GAK: variants seen among roughly 807,000 people sequenced by gnomAD.
GAK encodes the protein cyclin G associated kinase, also known as cyclin-G-associated kinase.
Under a neutral mutation model 143.9 loss-of-function variants are expected in GAK, and 79 were observed. The observed-to-expected ratio is 0.55, with a 90% confidence interval of 0.46 to 0.66. The LOEUF is 0.66. GAK is among the 30% of genes least tolerant of loss of function. GAK has a pLI of 0.00. For missense variants in GAK, 1,693 were observed against 1,779.7 expected, an observed-to-expected ratio of 0.95 and a Z score of 0.88; for synonymous variants, 881 against 765.5, an observed-to-expected ratio of 1.15 and a Z score of -2.49.
chr4:896,383 G>A lies in GAK; in HGVS notation c.741+77C>T, dbSNP rs1471155917. On this transcript the variant is annotated intron_variant, in intron 7 of 27. Transcript: ENST00000314167. ...GAGGCAGGCCAGTTCCGAGTGGCAG[G>A]TGCCCGGCCCACGCCGCCTCAGGTT... is the stretch of plus-strand genomic sequence containing the variant. 8 of 1,088,052 alleles carry A rather than the reference G, an allele frequency of 7.4e-6. No individual in the cohort carries two copies. The Admixed American group carries it at 1.6e-4, about 22-fold the overall frequency. The allele number at this position is 1,088,052 out of a possible 1,614,324, so 67.4% of individuals were successfully genotyped here.
Position 911,291 on chromosome 4 carries a change from G to A in GAK, c.382+382C>T, listed in dbSNP as rs533049112. Among the ~76,000 whole-genome samples, 7 of 151,874 alleles carry A rather than the reference G, an allele frequency of 4.6e-5. No homozygotes were observed. The South Asian group carries it at 1.2e-3, about 27-fold the overall frequency. The stretch of plus-strand genomic sequence containing the variant: ...AACACCGCTCATGGAAGGCCACCAC[G>A]CTCCACCCCACAGGGACCCCAGAGC... On this transcript the variant is annotated intron_variant, in intron 4 of 27. Transcript: ENST00000314167.
chr4:893,316 G>A, intron 9 of GAK, 61 bp downstream of exon 9: 2 of 1,232,154 alleles, frequency 1.6e-6, no homozygotes, highest in African/African-American at 1.6e-5. Context: ...GGGGATCTGG[G>A]GCTCATGTGT....
chr4:871,399 C>T (rs74907285), intron 18 of GAK, among the ~76,000 whole-genome samples: 6,348 of 152,324 alleles, frequency 0.042, 155 homozygotes, highest in East Asian at 0.095. Context: ...GCTCAGAGCA[C>T]GCACTCTGGG....
intron 18 of GAK, among the ~76,000 whole-genome samples, chr4:875,609 G>A (rs763761410): frequency 1.3e-5 from 2 of 152,228 alleles, no homozygotes; most frequent in Non-Finnish European, 2.9e-5. Flanking sequence ...GCCCCCGTGG[G>A]TGCCCCCTCT....
chr4:902,601 A>AAAAAAAAAAAAAC, intron 5 of GAK, among the ~76,000 whole-genome samples: 1 of 141,790 alleles, frequency 7.1e-6, no homozygotes, highest in Non-Finnish European at 1.6e-5. Flanking sequence ...TGACTCAAAA[A>AAAAAAAAAAAAAC]AAAAAAAAAA....
intron 7 of GAK, 99 bp from the exon 8 acceptor site, chr4:894,108 A>G: frequency 7.5e-7 from 1 of 1,335,018 alleles, no homozygotes; most frequent in East Asian, 2.8e-5. Flanking sequence ...GCCCACGGGG[A>G]ATGCAGGGGT....
Position 893,403 on chromosome 4 carries a change from C to A in GAK, c.964G>T (p.Val322Leu), listed in dbSNP as rs757695744. Residue 322 changes from valine (V) to leucine (L), a missense_variant, in exon 9 of 28, where the codon GTG (valine) becomes TTG (leucine). Coordinates refer to ENST00000314167, the MANE Select transcript of GAK (RefSeq NM_005255.4). The part of the protein sequence containing the change: ...QLQEIAAARN[V>L]NPKSPITELL... ...TCTGTGATGGGAGACTTGGGGTTCA[C>A]GTTGCGGGCGGCCGCGATCTCCTGC... The A allele has an allele frequency of 1.3e-6, 2 of 1,587,556 alleles. No homozygotes were observed. Among genetic ancestry groups the A allele is most frequent in the South Asian group, 2.3e-5 (2 of 88,016 alleles).
At chr4:931,865 G>T (rs1725899524) in intron 1 of GAK, among the ~76,000 whole-genome samples, 178 bp downstream of exon 1, 1 of 151,986 alleles carries the variant, frequency 6.6e-6, no homozygotes, top group Admixed American at 6.5e-5. Flanking sequence ...TATGACCTTC[G>T]CCTGGCCCTG....
At chr4:908,286 C>G (rs528019752) in intron 4 of GAK, among the ~76,000 whole-genome samples, 1 of 152,150 alleles carries the variant, frequency 6.6e-6, no homozygotes, top group African/African-American at 2.4e-5. Flanking sequence ...GGAGAAAGCC[C>G]GCAGGCCTCA....
At chr4:882,584 C>G in intron 14 of GAK, 113 bp downstream of exon 14, 1 of 1,360,206 alleles carries the variant, frequency 7.4e-7, no homozygotes, top group Non-Finnish European at 1.0e-6. Flanking sequence ...CTTCCGTGTC[C>G]CAGGGTGAAG....
chr4:906,037 C>A (rs968022624), intron 4 of GAK, among the ~76,000 whole-genome samples: 5 of 152,250 alleles, frequency 3.3e-5, no homozygotes, highest in African/African-American at 1.2e-4. Context: ...AGCAGCTGAG[C>A]TGGCATGCCG....
chr4:905,936 G>A (rs937839498), intron 4 of GAK, among the ~76,000 whole-genome samples: 6 of 152,258 alleles, frequency 3.9e-5, no homozygotes, highest in Admixed American at 1.3e-4. Context: ...GGGTGGGCTC[G>A]GAGCAGCCCC....
chr4:906,013 C>T (rs769607442), intron 4 of GAK, among the ~76,000 whole-genome samples: 16 of 152,228 alleles, frequency 1.1e-4, no homozygotes, highest in Non-Finnish European at 1.8e-4. Flanking sequence ...AAGCAACAAC[C>T]GCGTCAGCAT....
At chr4:878,520 T>C (rs1206833135) in intron 15 of GAK, among the ~76,000 whole-genome samples, 4 of 152,332 alleles carry the variant, frequency 2.6e-5, no homozygotes, top group African/African-American at 9.6e-5. Context: ...TATTGTTGGG[T>C]GGAACGTCCT....
chr4:892,813 CAG>C (rs1405257030), intron 9 of GAK, among the ~76,000 whole-genome samples: 2 of 152,342 alleles, frequency 1.3e-5, no homozygotes, highest in East Asian at 3.9e-4. Flanking sequence ...GCTGTCCTGT[CAG>C]GGGAAGAATC....
intron 24 of GAK, among the ~76,000 whole-genome samples, chr4:856,429 C>CCTGCTCACCACAGCTGCTCACTACAG (rs1406447628): frequency 2.1e-5 from 2 of 96,546 alleles, no homozygotes; most frequent in Non-Finnish European, 4.3e-5. Flanking sequence ...GCTGCTCACA[C>CCTGCTCACCACAGCTGCTCACTACAG]CTGCTCACCA....
At chr4:850,586 C>T (rs374733267) in intron 26 of GAK, 8 of 203,774 alleles carry the variant, frequency 3.9e-5, no homozygotes, top group Non-Finnish European at 8.0e-5. Flanking sequence ...CCCCAAGAGA[C>T]GCCTGCCCTC....
chr4:912,390 G>A (rs757721983), intron 3 of GAK: 26 of 373,864 alleles, frequency 7.0e-5, no homozygotes, highest in Non-Finnish European at 1.0e-4. Flanking sequence ...CCATCTGCAC[G>A]GCTCTCAGCC....
intron 23 of GAK, 122 bp downstream of exon 23, chr4:865,000 C>T (rs1750904795): frequency 1.9e-5 from 25 of 1,335,320 alleles, no homozygotes; most frequent in South Asian, 7.4e-5. Context: ...CCACCAAGCA[C>T]GCCCCAGCCC....
Sources: allele counts gnomAD v4.1 joint callset (sites outside exome capture counted in the v4.1 genomes callset), GRCh38; gene constraint gnomAD v4.1.1; transcripts MANE v1.5; gene names NCBI Gene and HGNC (gene_info 2026-07-23, HGNC 2026-07-21).